PTPRN2: variants seen among roughly 807,000 people sequenced by gnomAD.
The protein encoded by PTPRN2 is protein tyrosine phosphatase receptor type N2.
In PTPRN2, 74 loss-of-function variants were observed where a neutral mutation model predicts 118.8. That is an observed-to-expected ratio of 0.62 (90% CI 0.52 to 0.76). The LOEUF is 0.76. Ranked by LOEUF, PTPRN2 falls within the 30% of genes least tolerant of loss-of-function variation. The pLI is 0.00. For synonymous variants in PTPRN2, 641 were observed against 608.0 expected (o/e 1.05, Z -0.80); for missense variants, 1,481 against 1,394.4 (o/e 1.06, Z -0.99).
At chr7:157,962,322 T>TGTTATTCCACCAGCGGGAGC (rs1279661204) in intron 11 of PTPRN2, among the ~76,000 whole-genome samples, 1 of 148,220 alleles carries the variant, frequency 6.7e-6, no homozygotes, top group Non-Finnish European at 1.5e-5. Flanking sequence ...TCAGCAGGAG[T>TGTTATTCCACCAGCGGGAGC]GTTATTCCAC....
intron 6 of PTPRN2, among the ~76,000 whole-genome samples, chr7:158,166,158 G>A (rs1331317729): frequency 2.5e-5 from 3 of 121,394 alleles, no homozygotes; most frequent in Non-Finnish European, 5.1e-5. Context: ...AGCTTCAGCA[G>A]TAGAATTGTG....
rs149297854 is a variant in PTPRN2 at position 157,669,531 on chromosome 7, G to A, written c.2002-12980C>T. 1,082 of 490,616 alleles carry A rather than the reference G, an allele frequency of 2.2e-3. 10 individuals are homozygous for A. Among genetic ancestry groups the A allele is most frequent in the Middle Eastern group, 0.021 (64 of 3,116 alleles). 30.4% of individuals were successfully genotyped at this position (490,616 alleles called of 1,614,324 possible). On this transcript the variant is annotated intron_variant, in intron 13 of 22. Transcript: ENST00000389418. Reference sequence around the variant, plus strand: ...CGCTCCTGACACACGACGACACCCAGTCAGGGGCTGTAAGCACAGCTCCTG... The same window carrying A: ...CGCTCCTGACACACGACGACACCCAATCAGGGGCTGTAAGCACAGCTCCTG...
At chr7:157,614,140 G>A (rs1226754255) in intron 15 of PTPRN2, 2 of 467,074 alleles carry the variant, frequency 4.3e-6, no homozygotes, top group East Asian at 1.4e-4. Flanking sequence ...GGAGGGGGAA[G>A]ACAGGGGAGG....
intron 11 of PTPRN2, among the ~76,000 whole-genome samples, chr7:157,958,858 T>C (rs1801346712): frequency 6.6e-6 from 1 of 152,228 alleles, no homozygotes; most frequent in South Asian, 2.1e-4. Context: ...ACATAATCTC[T>C]ACCAAAAATA....
Position 158,081,181 on chromosome 7 carries a change from G to T in PTPRN2, c.1723+117C>A, listed in dbSNP as rs1035349895. 4.0e-6 allele frequency: 4 copies of T among 1,007,468 alleles called. No individual in the cohort carries two copies. In the African/African-American group the frequency reaches 6.4e-5, roughly 16 times the overall value. 62.4% of individuals were successfully genotyped at this position (1,007,468 alleles called of 1,614,324 possible). ...GGAAACCGAGACCTTCCTCTGGGTT[G>T]CCCCATGTGGGTAGTGTGAGTCTCT... On this transcript the variant is annotated intron_variant, in intron 11 of 22. Coordinates refer to ENST00000389418, the MANE Select transcript of PTPRN2 (RefSeq NM_002847.5).
chr7:158,186,629 G>T (rs1825176270), intron 5 of PTPRN2, among the ~76,000 whole-genome samples: 1 of 151,770 alleles, frequency 6.6e-6, no homozygotes, highest in Non-Finnish European at 1.5e-5. Context: ...TCTGTCAGAA[G>T]CCCGCCTGGG....
rs927225015 is a variant in PTPRN2, at chr7:157,989,521, C to T, written c.1724-90784G>A. ...GAAGAAAGCGGAGTCTTGTGGGGGG[C>T]ACCATCTGTGGCTGGGTCGGAGGGA... On this transcript the variant is annotated intron_variant, in intron 11 of 22. Transcript: ENST00000389418. Among the ~76,000 whole-genome samples, 69 of 151,342 alleles carry T rather than the reference C, an allele frequency of 4.6e-4. 1 individual carries two copies. The highest frequency in any genetic ancestry group is 9.0e-4 in the Non-Finnish European group (61 of 67,860).
chr7:158,169,120 G>A (rs1389425238), intron 5 of PTPRN2, among the ~76,000 whole-genome samples: 1 of 152,212 alleles, frequency 6.6e-6, no homozygotes, highest in Non-Finnish European at 1.5e-5. Flanking sequence ...TGACAGTAAG[G>A]TAAGGGGGTC....
chr7:157,577,971 G>A, intron 18 of PTPRN2, 50 bp downstream of exon 18: 3 of 1,517,582 alleles, frequency 2.0e-6, no homozygotes, highest in African/African-American at 1.4e-5. Context: ...AGCAGGGCCC[G>A]TCCTCGTCCG....
chr7:158,130,528 GTACA>G (rs1423989333), intron 9 of PTPRN2, among the ~76,000 whole-genome samples: 39 of 137,858 alleles, frequency 2.8e-4, no homozygotes, highest in East Asian at 2.2e-4. Flanking sequence ...ACACACACAC[GTACA>G]TACAGATACA....
At chr7:158,445,137 C>T (rs1382364750) in intron 2 of PTPRN2, among the ~76,000 whole-genome samples, 1 of 152,246 alleles carries the variant, frequency 6.6e-6, no homozygotes, top group Non-Finnish European at 1.5e-5. Context: ...GTCCCAGCCT[C>T]AGGGCTTTGT....
chr7:157,700,935 T>C (rs565746964), intron 12 of PTPRN2, among the ~76,000 whole-genome samples: 6 of 152,310 alleles, frequency 3.9e-5, no homozygotes, highest in East Asian at 1.9e-4. Context: ...CTTCAGAACA[T>C]GTGAGTGCTA....
intron 3 of PTPRN2, among the ~76,000 whole-genome samples, chr7:158,316,362 A>G (rs911860412): frequency 6.6e-6 from 1 of 152,170 alleles, no homozygotes; most frequent in African/African-American, 2.4e-5. Context: ...CCCTGGTCCT[A>G]CCATGTTGCC....
chr7:158,364,797 T>G (rs899659912), intron 2 of PTPRN2, among the ~76,000 whole-genome samples: 2 of 152,152 alleles, frequency 1.3e-5, no homozygotes, highest in Non-Finnish European at 2.9e-5. Context: ...CAGGCATGTT[T>G]ACCTCTAAAT....
chr7:157,550,174 G>A lies in PTPRN2; in HGVS notation c.2903-1155C>T, dbSNP rs553380043. On this transcript the variant is annotated intron_variant, in intron 21 of 22. Coordinates refer to ENST00000389418, the MANE Select transcript of PTPRN2 (RefSeq NM_002847.5). This position sits in a 1 kb window ranked among gnomAD's most constrained non-coding sequence, Gnocchi z 5.2. ...TCAGGAGAGAAGCTTTAAAATTCCC[G>A]AGGTTCCTCAATTTCCTTTCCCTGT... Among the ~76,000 whole-genome samples, 225 of 152,284 alleles carry A rather than the reference G, an allele frequency of 1.5e-3. No individual in the cohort carries two copies. Among genetic ancestry groups the A allele is most frequent in the Non-Finnish European group, 1.7e-3 (119 of 68,026 alleles).
intron 9 of PTPRN2, among the ~76,000 whole-genome samples, chr7:158,129,177 TACC>T (rs1197272667): frequency 8.7e-6 from 1 of 115,300 alleles, no homozygotes; most frequent in Non-Finnish European, 1.7e-5. Context: ...ATACAACACA[TACC>T]ACGCCACACA....
At chr7:158,168,184 C>T (rs1279133228) in intron 5 of PTPRN2, among the ~76,000 whole-genome samples, 1 of 152,208 alleles carries the variant, frequency 6.6e-6, no homozygotes, top group Non-Finnish European at 1.5e-5. Flanking sequence ...CTATGGTTGT[C>T]CTAGCAGTTG....
chr7:158,482,361 C>A lies in PTPRN2; in HGVS notation c.163+7374G>T, dbSNP rs117795693. On this transcript the variant is annotated intron_variant, in intron 2 of 22. Transcript: ENST00000389418. ...TTCATGAAGGAAGAGTCAACTGATGCAGTCAATTTTATTTGTCTTATTTTA... is the reference window on the plus strand; with the variant it reads ...TTCATGAAGGAAGAGTCAACTGATGAAGTCAATTTTATTTGTCTTATTTTA... Among the ~76,000 whole-genome samples, 31 of 152,300 alleles carry A rather than the reference C, an allele frequency of 2.0e-4. No homozygotes were observed. The East Asian group carries it at 5.2e-3, about 26-fold the overall frequency.
At chr7:157,998,103 C>A (rs1346067812) in intron 11 of PTPRN2, among the ~76,000 whole-genome samples, 1 of 7,338 alleles carries the variant, frequency 1.4e-4, no homozygotes, top group Non-Finnish European at 2.5e-4. Context: ...GAGTACAGGG[C>A]GAGGGGGAGA....
Sources: gnomAD v4.1 joint callset for allele counts (sites outside exome capture counted in the v4.1 genomes callset) on GRCh38, gnomAD v4.1.1 for gene constraint, Gnocchi (gnomAD v3.1) non-coding constraint, MANE v1.5 for transcripts, NCBI Gene and HGNC (gene_info 2026-07-23, HGNC 2026-07-21) for gene names.